The following FGF1 variants were observed in gnomAD, a reference collection of about 807,000 sequenced individuals.
FGF1 encodes the protein fibroblast growth factor 1.
A neutral mutation model predicts 13.4 loss-of-function variants in FGF1; 9 were observed. That is an observed-to-expected ratio of 0.67 (90% CI 0.40 to 1.17). The LOEUF (loss-of-function observed/expected upper bound fraction) is 1.17, where lower values mean the gene tolerates loss of function less well. FGF1 is among the 50% of genes most tolerant of loss of function. The pLI, the probability that FGF1 is intolerant of heterozygous loss-of-function variation, is 0.01. For synonymous variants in FGF1, 93 were observed against 79.0 expected (o/e 1.18, Z -0.94); for missense variants, 156 against 192.7 (o/e 0.81, Z 1.13).
At chr5:142,651,885 T>C (rs987210455) in intron 1 of FGF1, among the ~76,000 whole-genome samples, 18 of 151,986 alleles carry the variant, frequency 1.2e-4, no homozygotes, top group African/African-American at 4.1e-4. Flanking sequence ...TTAACCTCTT[T>C]CCAGCCTCAA....
intron 1 of FGF1, among the ~76,000 whole-genome samples, chr5:142,631,982 C>A (rs913278214): frequency 6.6e-6 from 1 of 152,006 alleles, no homozygotes; most frequent in Non-Finnish European, 1.5e-5. Flanking sequence ...GATGGAGTTT[C>A]GCCATGTTGG....
Position 142,691,226 on chromosome 5 carries a change from GC to G in FGF1, c.-35+6395del, listed in dbSNP as rs1223952696. 9.2e-5 allele frequency among the ~76,000 whole-genome samples: 14 copies of G among 152,122 alleles called. No homozygotes were observed. In the East Asian group the frequency reaches 2.7e-3, roughly 29 times the overall value. ...ACCTGAGGTTAGGAGTTCGAGACTA[GC>G]CTGGCCAACATGGTGAAACCCCGTC... On this transcript the variant is annotated intron_variant, in intron 2 of 4. Transcript: ENST00000407758.
chr5:142,638,623 G>T (rs913236118), intron 1 of FGF1, among the ~76,000 whole-genome samples: 1 of 151,896 alleles, frequency 6.6e-6, no homozygotes, highest in African/African-American at 2.4e-5. Flanking sequence ...TGCAGGTCTG[G>T]GTAATCATTT....
intron 1 of FGF1, among the ~76,000 whole-genome samples, chr5:142,619,151 G>T: frequency 6.6e-6 from 1 of 151,830 alleles, no homozygotes; most frequent in Non-Finnish European, 1.5e-5. Context: ...AGCCAAGATG[G>T]TCTCGATCTC....
intron 1 of FGF1, among the ~76,000 whole-genome samples, chr5:142,640,737 C>T (rs1169562246): frequency 6.6e-6 from 1 of 152,004 alleles, no homozygotes; most frequent in Non-Finnish European, 1.5e-5. Flanking sequence ...CTGTCCTCAT[C>T]CCCACCAAAC....
intron 1 of FGF1, among the ~76,000 whole-genome samples, chr5:142,615,621 C>T (rs1561560610): frequency 6.6e-6 from 1 of 152,184 alleles, no homozygotes; most frequent in Admixed American, 6.5e-5. Context: ...TCATCATTAA[C>T]GTATTTTGGG....
At chr5:142,681,059 T>C (rs943576220) in intron 1 of FGF1, among the ~76,000 whole-genome samples, 5 of 152,204 alleles carry the variant, frequency 3.3e-5, no homozygotes. Flanking sequence ...GTCATGTCCA[T>C]GAGTAATACC....
intron 1 of FGF1, among the ~76,000 whole-genome samples, chr5:142,673,339 A>G (rs1771860293): frequency 6.6e-6 from 1 of 152,200 alleles, no homozygotes; most frequent in South Asian, 2.1e-4. Flanking sequence ...ATCTCAGCCA[A>G]TGATACAAAG....
At chr5:142,653,955 G>A (rs1767715548) in intron 1 of FGF1, among the ~76,000 whole-genome samples, 1 of 152,198 alleles carries the variant, frequency 6.6e-6, no homozygotes, top group Non-Finnish European at 1.5e-5. Context: ...AGCTGGGCGT[G>A]GTGGCGTGCA....
upstream of FGF1, among the ~76,000 whole-genome samples, chr5:142,690,248 T>TGAACCCGGC (rs1428825262): frequency 6.7e-6 from 1 of 150,372 alleles, no homozygotes; most frequent in Non-Finnish European, 1.5e-5. Flanking sequence ...GTGAACCCGG[T>TGAACCCGGC]GAACCCGGCG....
intron 1 of FGF1, among the ~76,000 whole-genome samples, chr5:142,630,061 T>C (rs1763118800): frequency 6.6e-6 from 1 of 151,824 alleles, no homozygotes; most frequent in African/African-American, 2.4e-5. Flanking sequence ...TCCCAGCTAA[T>C]TTTTGTATTT....
chr5:142,624,515 TTC>T (rs1762155200), intron 1 of FGF1, among the ~76,000 whole-genome samples: 2 of 152,242 alleles, frequency 1.3e-5, no homozygotes, highest in Non-Finnish European at 2.9e-5. Context: ...TTCAGTATAT[TTC>T]ATGGGTCTAC....
intron 3 of FGF1, among the ~76,000 whole-genome samples, chr5:142,598,838 G>A (rs553304969): frequency 6.6e-4 from 101 of 152,292 alleles, no homozygotes; most frequent in Non-Finnish European, 1.2e-3. Context: ...GGAGCCTATC[G>A]GAAATTAGAT....
At chr5:142,687,317 G>T (rs1412877979), upstream of FGF1, among the ~76,000 whole-genome samples, 1 of 152,178 alleles carries the variant, frequency 6.6e-6, no homozygotes, top group African/African-American at 2.4e-5. Context: ...AGAGCATGGG[G>T]GTGTGGGGAA....
At chr5:142,623,384 G>A (rs1266829073) in intron 1 of FGF1, among the ~76,000 whole-genome samples, 1 of 149,030 alleles carries the variant, frequency 6.7e-6, no homozygotes, top group Non-Finnish European at 1.5e-5. Flanking sequence ...TCGTTCTGTC[G>A]CCCAGGCTGA....
chr5:142,696,690 A>G (rs1753161930), intron 2 of FGF1, among the ~76,000 whole-genome samples: 1 of 152,232 alleles, frequency 6.6e-6, no homozygotes, highest in Non-Finnish European at 1.5e-5. Flanking sequence ...GGATCTCATG[A>G]TACCAAAACC....
At chr5:142,612,856 C>A (rs893565619) in intron 2 of FGF1, among the ~76,000 whole-genome samples, 13 of 152,182 alleles carry the variant, frequency 8.5e-5, no homozygotes, top group African/African-American at 3.1e-4. Context: ...TCTGAGGGTA[C>A]AGCGTGAGCA....
chr5:142,676,820 G>A (rs182718371), intron 1 of FGF1, among the ~76,000 whole-genome samples: 1 of 152,122 alleles, frequency 6.6e-6, no homozygotes, highest in African/African-American at 2.4e-5. Flanking sequence ...TTCATCCTTG[G>A]AAATAACTCT....
At chr5:142,628,360 A>T (rs112133556) in intron 1 of FGF1, among the ~76,000 whole-genome samples, 3,202 of 152,252 alleles carry the variant, frequency 0.021, 114 homozygotes, top group African/African-American at 0.073. Context: ...AATACAAAAA[A>T]TTAGCCGGGC....
Sources: gnomAD v4.1 joint callset for allele counts (sites outside exome capture counted in the v4.1 genomes callset) on GRCh38, gnomAD v4.1.1 for gene constraint, MANE v1.5 for transcripts, NCBI Gene and HGNC (gene_info 2026-07-23, HGNC 2026-07-21) for gene names.